The following ROBO1 variants were observed in gnomAD, a reference collection of about 807,000 sequenced individuals.
ROBO1 encodes roundabout homolog 1.
A neutral mutation model predicts 195.9 loss-of-function variants in ROBO1; 149 were observed. The ratio of observed to expected loss-of-function variants is 0.76; its 90% CI spans 0.67 to 0.87. ROBO1 has a LOEUF of 0.87. ROBO1 is among the 40% of genes least tolerant of loss of function. ROBO1 has a pLI of 0.00. For synonymous variants in ROBO1, 816 were observed against 733.2 expected (o/e 1.11, Z -1.82); for missense variants, 1,933 against 2,068.3 (o/e 0.93, Z 1.27).
chr3:78,600,600 A>G (rs1703115942), intron 29 of ROBO1, among the ~76,000 whole-genome samples: 1 of 152,110 alleles, frequency 6.6e-6, no homozygotes, highest in Non-Finnish European at 1.5e-5. Context: ...GGTAAACCAA[A>G]CCTGGAGTCA....
At chr3:78,642,985 C>T (rs974977961) in intron 21 of ROBO1, among the ~76,000 whole-genome samples, 2 of 152,002 alleles carry the variant, frequency 1.3e-5, no homozygotes, top group Admixed American at 6.6e-5. Flanking sequence ...TTATAGGTGA[C>T]ATCTATCAAA....
At chr3:79,660,998 C>T (rs938540874) in intron 1 of ROBO1, among the ~76,000 whole-genome samples, 3 of 152,024 alleles carry the variant, frequency 2.0e-5, no homozygotes, top group Non-Finnish European at 4.4e-5. Flanking sequence ...GGAAGACAGC[C>T]CCTCAGAAAT....
At chr3:79,607,693 G>C (rs933076918) in intron 1 of ROBO1, among the ~76,000 whole-genome samples, 6 of 150,978 alleles carry the variant, frequency 4.0e-5, no homozygotes, top group Non-Finnish European at 8.8e-5. Flanking sequence ...TCTGATGAAA[G>C]TGAATTTAGA....
intron 3 of ROBO1, among the ~76,000 whole-genome samples, chr3:78,949,727 C>A (rs1282608488): frequency 6.6e-6 from 1 of 152,012 alleles, no homozygotes; most frequent in African/African-American, 2.4e-5. Flanking sequence ...AACAGGCAAC[C>A]TACAGAATGG....
At chr3:78,707,980 C>T (rs750194015) in intron 8 of ROBO1, among the ~76,000 whole-genome samples, 5 of 152,132 alleles carry the variant, frequency 3.3e-5, no homozygotes, top group Non-Finnish European at 5.9e-5. Context: ...TCAGGCCGTT[C>T]TTGGTTCGGT....
chr3:79,605,279 G>T (rs560788479), intron 1 of ROBO1, among the ~76,000 whole-genome samples: 2 of 144,910 alleles, frequency 1.4e-5, no homozygotes, highest in East Asian at 2.0e-4. Context: ...TCTCTGCCTT[G>T]CTTCTAAATA....
Position 79,213,382 on chromosome 3 carries a change from T to G in ROBO1, c.89-87843A>C, listed in dbSNP as rs532780208. Among the ~76,000 whole-genome samples, 4 of 152,340 alleles carry G rather than the reference T, an allele frequency of 2.6e-5. No individual in the cohort carries two copies. The South Asian group carries it at 6.2e-4, about 24-fold the overall frequency. The stretch of plus-strand genomic sequence containing the variant: ...ATATAAATATTTAGCACATTTATTT[T>G]TACAATAAAATTGCAGAAGTTTAGT... On this transcript the variant is annotated intron_variant, in intron 2 of 30. Coordinates refer to ENST00000464233, the MANE Select transcript of ROBO1 (RefSeq NM_002941.4).
chr3:78,807,199 G>C (rs2108606746), intron 4 of ROBO1, among the ~76,000 whole-genome samples: 1 of 152,228 alleles, frequency 6.6e-6, no homozygotes, highest in Middle Eastern at 3.4e-3. Flanking sequence ...GGAGTGGTAG[G>C]ATCAAGAATT....
intron 4 of ROBO1, among the ~76,000 whole-genome samples, chr3:78,813,410 A>G (rs971639599): frequency 6.6e-5 from 10 of 152,120 alleles, no homozygotes; most frequent in Admixed American, 2.0e-4. Flanking sequence ...CAAGGGATAA[A>G]TACATGTATA....
intron 4 of ROBO1, among the ~76,000 whole-genome samples, chr3:78,833,089 C>T (rs927566678): frequency 2.0e-5 from 3 of 151,840 alleles, no homozygotes; most frequent in African/African-American, 4.8e-5. Flanking sequence ...GTCAGATTTC[C>T]ATTCTAGATA....
intron 2 of ROBO1, among the ~76,000 whole-genome samples, chr3:79,269,819 G>C (rs142951074): frequency 1.3e-5 from 2 of 151,748 alleles, no homozygotes; most frequent in East Asian, 3.9e-4. Flanking sequence ...CATCAACATA[G>C]ACTGAAAGAT....
chr3:78,905,744 G>T (rs556694706), intron 4 of ROBO1, among the ~76,000 whole-genome samples: 1 of 152,090 alleles, frequency 6.6e-6, no homozygotes, highest in South Asian at 2.1e-4. Context: ...TATAAACAAG[G>T]TGCTATATTT....
rs554091469 is a variant in ROBO1 at position 79,755,141 on chromosome 3, A to C, written c.-51+12611T>G. On this transcript the variant is annotated intron_variant, in intron 1 of 30. Coordinates refer to ENST00000464233, the MANE Select transcript of ROBO1 (RefSeq NM_002941.4). Reference sequence around the variant, plus strand: ...GTGATCCATCTGCCTCTGCCTCCCAAAGTGCTGGGATTACAGGTGTGAGTC... The same window carrying C: ...GTGATCCATCTGCCTCTGCCTCCCACAGTGCTGGGATTACAGGTGTGAGTC... 9.9e-5 allele frequency among the ~76,000 whole-genome samples: 15 copies of C among 152,218 alleles called. No homozygotes were observed. In the South Asian group the frequency reaches 1.9e-3, roughly 19 times the overall value.
chr3:79,323,557 C>G (rs942709076), intron 2 of ROBO1, among the ~76,000 whole-genome samples: 1 of 152,116 alleles, frequency 6.6e-6, no homozygotes, highest in African/African-American at 2.4e-5. Flanking sequence ...ATCATCAATT[C>G]TGAAGCCAAA....
intron 3 of ROBO1, among the ~76,000 whole-genome samples, chr3:79,094,524 T>G (rs949489362): frequency 6.6e-6 from 1 of 152,176 alleles, no homozygotes; most frequent in Non-Finnish European, 1.5e-5. Flanking sequence ...TGAATTTGAA[T>G]TATCAAGCTT....
At position 78,717,385 on chromosome 3, in the gene ROBO1, A is replaced by G. The variant is rs1406804894; in HGVS notation, c.807T>C (p.Ser269=). Residue 269 remains serine (S), a synonymous_variant, in exon 7 of 31, where the codon AGT becomes AGC. Transcript: ENST00000464233. ...LERPSFVKRP[S]NLAVTVDDSA... is the part of the protein sequence containing the mutation. ...TGTCATCCACAGTTACTGCCAAGTT[A>G]CTGGGTCTCTTCACAAATGATGGTC... The G allele has an allele frequency of 4.3e-6, 7 of 1,613,638 alleles. No individual in the cohort carries two copies. Among genetic ancestry groups the G allele is most frequent in the Non-Finnish European group, 5.9e-6 (7 of 1,179,702 alleles).
intron 3 of ROBO1, among the ~76,000 whole-genome samples, chr3:79,073,405 T>C (rs1248861895): frequency 1.3e-5 from 2 of 151,928 alleles, no homozygotes; most frequent in Non-Finnish European, 2.9e-5. Flanking sequence ...GTGCTCTAAA[T>C]GGATATGGGA....
chr3:79,031,932 T>A (rs1216291945), intron 3 of ROBO1, among the ~76,000 whole-genome samples: 1 of 151,964 alleles, frequency 6.6e-6, no homozygotes, highest in Non-Finnish European at 1.5e-5. Context: ...ATTTAGGGAG[T>A]TTGCAATTAA....
chr3:78,882,544 C>T (rs2036244645), intron 4 of ROBO1, among the ~76,000 whole-genome samples: 1 of 152,064 alleles, frequency 6.6e-6, no homozygotes, highest in Admixed American at 6.6e-5. Flanking sequence ...GAAATATCTG[C>T]TAAGTATTTC....
Sources: gnomAD v4.1 joint callset for allele counts (sites outside exome capture counted in the v4.1 genomes callset) on GRCh38, gnomAD v4.1.1 for gene constraint, MANE v1.5 for transcripts, NCBI Gene and HGNC (gene_info 2026-07-23, HGNC 2026-07-21) for gene names.